Variants in TCF3 observed in about 807,000 individuals in gnomAD.
TCF3 encodes the protein transcription factor 3, also known as transcription factor E2-alpha.
Under a neutral mutation model 72.3 loss-of-function variants are expected in TCF3, and 54 were observed. That is an observed-to-expected ratio of 0.75 (90% CI 0.60 to 0.94). The LOEUF (loss-of-function observed/expected upper bound fraction) is 0.94, where lower values mean the gene tolerates loss of function less well. TCF3 is among the 40% of genes least tolerant of loss of function. The pLI is 0.00. For synonymous variants in TCF3, 525 were observed against 412.6 expected (o/e 1.27, Z -3.30); for missense variants, 1,078 against 934.4 (o/e 1.15, Z -2.00).
intron 6 of TCF3, among the ~76,000 whole-genome samples, chr19:1,626,907 ACCCTGGGGGTG>A (rs1258184778): frequency 6.6e-6 from 1 of 151,630 alleles, no homozygotes; most frequent in Non-Finnish European, 1.5e-5. Context: ...TGAGGGAGGA[ACCCTGGGGGTG>A]CCCAGCACCG....
intron 5 of TCF3, chr19:1,631,805 G>A (rs958392894): frequency 8.9e-7 from 1 of 1,129,654 alleles, no homozygotes; most frequent in South Asian, 1.5e-5. Context: ...CGGCCTCCCT[G>A]CCTCTACGCT....
intron 3 of TCF3, among the ~76,000 whole-genome samples, chr19:1,634,871 C>T (rs1216462075): frequency 6.6e-6 from 1 of 152,232 alleles, no homozygotes; most frequent in African/African-American, 2.4e-5. Context: ...GCTGCTTTTG[C>T]TGCAACAGTA....
At position 1,652,529 on chromosome 19, in the gene TCF3, G is replaced by A. The variant is rs1368682698; in HGVS notation, c.-269C>T. On this transcript the variant is annotated 5_prime_UTR_variant, in exon 1 of 19. Transcript: ENST00000262965. ...TGGGGCAGCGGCGTGCGCGGTGCCC[G>A]CGGTGCCCGCCGCCGCGTCGGCTCC... 1.4e-5 allele frequency: 2 copies of A among 142,672 alleles called. No individual in the cohort carries two copies. The highest frequency in any genetic ancestry group is 2.5e-5 in the African/African-American group (1 of 39,836). 8.8% of individuals were successfully genotyped at this position (142,672 alleles called of 1,614,324 possible).
rs1257098573 is a variant in TCF3, at chr19:1,632,931, A to AAGC, written c.146-529_146-527dup. ...TGGGAAGTGGGGCCGCCCTTTGCTG[A>AAGC]AGCAGCAGCAGAGGCTCACCCATCG... On this transcript the variant is annotated intron_variant, in intron 3 of 18. Transcript: ENST00000262965. 5.9e-5 allele frequency among the ~76,000 whole-genome samples: 9 copies of AAGC among 152,302 alleles called. No individual in the cohort carries two copies. The East Asian group carries it at 1.5e-3, about 26-fold the overall frequency.
chr19:1,646,586 C>T (rs1252993463), intron 2 of TCF3, among the ~76,000 whole-genome samples, 159 bp from the exon 3 acceptor site: 1 of 152,226 alleles, frequency 6.6e-6, no homozygotes, highest in Admixed American at 6.5e-5. Flanking sequence ...CCATCACAGA[C>T]CAGAAGACTC....
At chr19:1,650,336 A>G in intron 1 of TCF3, 49 bp from the exon 2 acceptor site, 1 of 1,383,058 alleles carries the variant, frequency 7.2e-7, no homozygotes, top group Non-Finnish European at 9.9e-7. Flanking sequence ...CAGGGAGGGG[A>G]GAAGAGTTGT....
At chr19:1,650,751 C>T (rs895220935) in intron 1 of TCF3, 1 of 232,890 alleles carries the variant, frequency 4.3e-6, no homozygotes, top group Admixed American at 5.6e-5. Context: ...TCCCCCCTCC[C>T]CCAGCAGATG....
intron 16 of TCF3, chr19:1,616,645 G>A (rs2883115): frequency 0.12 from 17,605 of 152,030 alleles, 1,140 homozygotes; most frequent in South Asian, 0.26. Flanking sequence ...GCTGACTCAC[G>A]CCTGTGATCC....
chr19:1,619,987 A>C, intron 13 of TCF3, 134 bp from the exon 14 acceptor site: 1 of 768,956 alleles, frequency 1.3e-6, no homozygotes. Context: ...ATTCCGGGGC[A>C]CCCCACACTG....
intron 3 of TCF3, among the ~76,000 whole-genome samples, chr19:1,642,694 A>G (rs747613529): frequency 6.6e-6 from 1 of 152,198 alleles, no homozygotes; most frequent in African/African-American, 2.4e-5. Context: ...GCTGGTCTCG[A>G]ACACCTAGTC....
At chr19:1,646,482 A>G (rs942719557) in intron 2 of TCF3, 55 bp from the exon 3 acceptor site, 1 of 1,504,304 alleles carries the variant, frequency 6.6e-7, no homozygotes, top group African/African-American at 1.4e-5. Flanking sequence ...CAAACCCTAC[A>G]GTCCCGGGTT....
chr19:1,631,511 C>T (rs920736336), intron 5 of TCF3, among the ~76,000 whole-genome samples: 9 of 152,192 alleles, frequency 5.9e-5, no homozygotes, highest in African/African-American at 2.2e-4. Context: ...TCAGGTGATC[C>T]ACCCACCTCG....
chr19:1,631,232 C>T (rs796890789), intron 5 of TCF3, among the ~76,000 whole-genome samples: 16 of 150,882 alleles, frequency 1.1e-4, no homozygotes, highest in South Asian at 2.1e-4. Context: ...GCCCAGGTTC[C>T]GTGGTGGGGT....
intron 14 of TCF3, 59 bp from the exon 15 acceptor site, chr19:1,619,533 A>G: frequency 1.3e-6 from 2 of 1,523,200 alleles, no homozygotes; most frequent in Non-Finnish European, 8.8e-7. Context: ...ACAGGCCTCC[A>G]TTCATGTCCC....
intron 7 of TCF3, among the ~76,000 whole-genome samples, chr19:1,625,003 A>G (rs1287126733): frequency 4.6e-5 from 7 of 152,010 alleles, no homozygotes; most frequent in Non-Finnish European, 1.0e-4. Context: ...GTGCCACCAT[A>G]CTTAGCTAAT....
At chr19:1,644,838 C>T (rs576882594) in intron 3 of TCF3, among the ~76,000 whole-genome samples, 1 of 152,214 alleles carries the variant, frequency 6.6e-6, no homozygotes, top group East Asian at 1.9e-4. Context: ...GCTGTAAGCC[C>T]ACCCAGAGGC....
In TCF3 at chr19:1,616,067, G is replaced by A. The variant is rs557786890; in HGVS notation, c.1451-246C>T. Among the ~76,000 whole-genome samples, 3 of 152,356 alleles carry A rather than the reference G, an allele frequency of 2.0e-5. No individual in the cohort carries two copies. In the South Asian group the frequency reaches 6.2e-4, roughly 32 times the overall value. ...TTTTACCACCTTTGGAACAAAGTGT[G>A]TAGAAATTCTGCAGCAACTCAATGG... On this transcript the variant is annotated intron_variant, in intron 16 of 18. Transcript: ENST00000262965.
chr19:1,613,573 C>A (rs2061254161), intron 18 of TCF3, among the ~76,000 whole-genome samples: 1 of 152,148 alleles, frequency 6.6e-6, no homozygotes, highest in Non-Finnish European at 1.5e-5. Flanking sequence ...CTAGGCCTGG[C>A]CAGACTCACT....
chr19:1,648,468 G>A (rs1000342890), intron 2 of TCF3, among the ~76,000 whole-genome samples: 39 of 152,194 alleles, frequency 2.6e-4, no homozygotes, highest in Non-Finnish European at 5.6e-4. Context: ...TGAGGAGTCA[G>A]GTCCTGGGGC....
Sources: allele counts gnomAD v4.1 joint callset (sites outside exome capture counted in the v4.1 genomes callset), GRCh38; gene constraint gnomAD v4.1.1; transcripts MANE v1.5; gene names NCBI Gene and HGNC (gene_info 2026-07-23, HGNC 2026-07-21).